IGF2BP2: variants seen among roughly 807,000 people sequenced by gnomAD.
IGF2BP2 encodes insulin like growth factor 2 mRNA binding protein 2, also known as insulin-like growth factor 2 mRNA-binding protein 2.
Under a neutral mutation model 75.8 loss-of-function variants are expected in IGF2BP2, and 17 were observed. The observed-to-expected ratio is 0.22, with a 90% CI of 0.15 to 0.34. The LOEUF (loss-of-function observed/expected upper bound fraction) is 0.34, where lower values mean the gene tolerates loss of function less well. IGF2BP2 is among the 10% of genes least tolerant of loss of function. IGF2BP2 has a pLI of 1.00. For missense variants in IGF2BP2, 516 were observed against 772.4 expected (o/e 0.67, Z 3.93); for synonymous variants, 288 against 295.6 (o/e 0.97, Z 0.26).
intron 2 of IGF2BP2, among the ~76,000 whole-genome samples, chr3:185,754,477 GA>G (rs1731345183): frequency 6.6e-6 from 1 of 152,184 alleles, no homozygotes; most frequent in Non-Finnish European, 1.5e-5. Flanking sequence ...AATTAGTACT[GA>G]AGAGTGGGGC....
chr3:185,749,977 T>G (rs191408818), intron 2 of IGF2BP2, among the ~76,000 whole-genome samples: 2 of 152,272 alleles, frequency 1.3e-5, no homozygotes, highest in African/African-American at 4.8e-5. Context: ...GAATAGAAGC[T>G]CTTTGTAGGT....
At chr3:185,779,561 G>A (rs1359471759) in intron 2 of IGF2BP2, among the ~76,000 whole-genome samples, 1 of 152,162 alleles carries the variant, frequency 6.6e-6, no homozygotes, top group African/African-American at 2.4e-5. Flanking sequence ...ATGAACTGGA[G>A]CAAGATTCTT....
intron 10 of IGF2BP2, among the ~76,000 whole-genome samples, chr3:185,668,314 A>G (rs1450378695): frequency 1.3e-5 from 2 of 152,050 alleles, no homozygotes; most frequent in East Asian, 3.9e-4. Context: ...GTACAGCATA[A>G]TTTCATTTGT....
chr3:185,797,976 T>C (rs1578340173), intron 2 of IGF2BP2, among the ~76,000 whole-genome samples: 1 of 145,650 alleles, frequency 6.9e-6, no homozygotes, highest in African/African-American at 2.6e-5. Context: ...CCGAGGCAGG[T>C]GGATCACCTG....
At position 185,658,395 on chromosome 3, in the gene IGF2BP2, G is replaced by C; in HGVS notation, c.1215C>G (p.Tyr405Ter). 6.2e-7 allele frequency: 1 copy of C among 1,614,008 alleles called. No homozygotes were observed. Among genetic ancestry groups the C allele is most frequent in the Non-Finnish European group, 8.5e-7 (1 of 1,179,930 alleles). ...GGTGATGGGGGTACAGGCTGGAGAA[G>C]TATCCGGAGTGGGTCTGCAGCATGA... ...PYHPFTTHSG[Y>*]FSSLYPHHQF... Residue 405 changes from tyrosine (Y) to a stop codon, truncating the protein, a stop_gained, in exon 11 of 16, where the codon TAC becomes TAG. Transcript: ENST00000382199. LOFTEE classifies it high-confidence loss of function.
At chr3:185,715,631 CTTT>C (rs560559281) in intron 2 of IGF2BP2, among the ~76,000 whole-genome samples, 67 of 151,948 alleles carry the variant, frequency 4.4e-4, no homozygotes, top group Admixed American at 1.6e-3. Context: ...TACGTCATTT[CTTT>C]TTTTCTTTCT....
intron 2 of IGF2BP2, among the ~76,000 whole-genome samples, chr3:185,747,829 T>C (rs111531347): frequency 0.022 from 3,312 of 150,622 alleles, 175 homozygotes; most frequent in South Asian, 0.21. Context: ...TTTTATTTTA[T>C]TCTACTCTAC....
At chr3:185,760,321 T>G (rs537008351) in intron 2 of IGF2BP2, among the ~76,000 whole-genome samples, 14 of 151,480 alleles carry the variant, frequency 9.2e-5, no homozygotes, top group African/African-American at 2.9e-4. Flanking sequence ...GACTCATCAG[T>G]TTTTTTTTCC....
chr3:185,688,539 CA>C (rs955761900), intron 6 of IGF2BP2, among the ~76,000 whole-genome samples: 32 of 152,268 alleles, frequency 2.1e-4, no homozygotes, highest in Middle Eastern at 3.4e-3. Flanking sequence ...GACAGGGTTT[CA>C]CCATGTTAGC....
chr3:185,796,729 ATACTCTGAGTCACGGTT>A (rs1737469440), intron 2 of IGF2BP2, among the ~76,000 whole-genome samples: 1 of 151,824 alleles, frequency 6.6e-6, no homozygotes, highest in Non-Finnish European at 1.5e-5. Context: ...TAGTACCTGT[ATACTCTGAGTCACGGTT>A]TACTCTGAGT....
At position 185,675,827 on chromosome 3, in the gene IGF2BP2, A is replaced by G; in HGVS notation, c.899T>C (p.Ile300Thr). The G allele has an allele frequency of 6.2e-7, 1 of 1,613,510 alleles. No individual in the cohort carries two copies. The highest frequency in any genetic ancestry group is 8.5e-7 in the Non-Finnish European group (1 of 1,179,904). ...TATCTTGGTCCCTGTTTCATGTTCA[A>G]TTTTCTTCAAATTTCTGCCTTCTTT... Reference protein sequence around the residue: ...IGKEGRNLKKIEHETGTKITI... With the variant: ...IGKEGRNLKKTEHETGTKITI... The change falls in exon 8 of 16, where the codon ATT (isoleucine) becomes ACT (threonine). Residue 300 changes from isoleucine (I) to threonine (T), a missense_variant. Physicochemically the swap from Ile to Thr is moderately conservative, Grantham distance 89. Around this residue, in one of 3 missense-constraint regions of IGF2BP2, gnomAD observed 312 missense variants for 474.5 expected, o/e 0.66. Coordinates refer to ENST00000382199, the MANE Select transcript of IGF2BP2 (RefSeq NM_006548.6).
chr3:185,735,915 G>A (rs1464604722), intron 2 of IGF2BP2, among the ~76,000 whole-genome samples: 1 of 152,194 alleles, frequency 6.6e-6, no homozygotes, highest in African/African-American at 2.4e-5. Context: ...GAAGACCACA[G>A]AAAACGGGGG....
At chr3:185,712,078 G>T (rs979327376) in intron 2 of IGF2BP2, among the ~76,000 whole-genome samples, 41 of 152,186 alleles carry the variant, frequency 2.7e-4, no homozygotes, top group African/African-American at 8.4e-4. Flanking sequence ...ACTGAATCAG[G>T]AGAGAAACTA....
chr3:185,776,631 G>A (rs1483122167), intron 2 of IGF2BP2, among the ~76,000 whole-genome samples: 7 of 152,122 alleles, frequency 4.6e-5, no homozygotes, highest in African/African-American at 1.7e-4. Context: ...GGGTGAGGGC[G>A]GAGATAGAGA....
At chr3:185,712,185 G>C (rs1560338242) in intron 2 of IGF2BP2, among the ~76,000 whole-genome samples, 1 of 152,072 alleles carries the variant, frequency 6.6e-6, no homozygotes, top group Non-Finnish European at 1.5e-5. Flanking sequence ...AACAGATTAT[G>C]CTTATTTTTT....
intron 7 of IGF2BP2, among the ~76,000 whole-genome samples, chr3:185,682,023 C>T (rs773319120): frequency 1.3e-5 from 2 of 151,426 alleles, no homozygotes; most frequent in Non-Finnish European, 3.0e-5. Flanking sequence ...CACCATGATA[C>T]CAAAAGCATA....
intron 2 of IGF2BP2, among the ~76,000 whole-genome samples, chr3:185,731,194 G>A (rs1728113982): frequency 6.6e-6 from 1 of 151,670 alleles, no homozygotes; most frequent in Admixed American, 6.6e-5. Flanking sequence ...TGTACAGAAT[G>A]GAACCTAGAA....
chr3:185,801,357 C>T (rs1560492762), intron 2 of IGF2BP2, among the ~76,000 whole-genome samples: 1 of 151,904 alleles, frequency 6.6e-6, no homozygotes, highest in Non-Finnish European at 1.5e-5. Flanking sequence ...GGCGTGGTGG[C>T]ACATGCCTGT....
At chr3:185,721,314 GC>G (rs1359390850) in intron 2 of IGF2BP2, among the ~76,000 whole-genome samples, 10 of 151,990 alleles carry the variant, frequency 6.6e-5, no homozygotes, top group Non-Finnish European at 1.5e-4. Flanking sequence ...CAATTCTCGT[GC>G]CTCAGCCTCC....
Sources: allele counts gnomAD v4.1 joint callset (sites outside exome capture counted in the v4.1 genomes callset), GRCh38; gene constraint gnomAD v4.1.1; regional missense constraint gnomAD v4.1.1; transcripts MANE v1.5; gene names NCBI Gene and HGNC (gene_info 2026-07-23, HGNC 2026-07-21).